ADK: variants seen among roughly 807,000 people sequenced by gnomAD.
ADK encodes N6,N6-dimethyladenosine kinase.
In ADK, 24 loss-of-function variants were observed where a neutral mutation model predicts 44.7. The observed-to-expected ratio is 0.54, with a 90% CI of 0.39 to 0.76. ADK has a LOEUF of 0.76. Ranked by LOEUF, ADK falls within the 30% of genes least tolerant of loss-of-function variation. The probability of loss-of-function intolerance (pLI) is 0.00; values close to 1 mark genes in which losing one functional copy is unlikely to be tolerated. For missense variants in ADK, 321 were observed against 425.1 expected, an observed-to-expected ratio of 0.76 and a Z score of 2.15; for synonymous variants, 128 against 142.6, an observed-to-expected ratio of 0.90 and a Z score of 0.73.
Position 74,408,641 on chromosome 10 carries a change from G to A in ADK, c.555+10062G>A, listed in dbSNP as rs557609927. On this transcript the variant is annotated intron_variant, in intron 6 of 10. Coordinates refer to ENST00000539909, the MANE Select transcript of ADK (RefSeq NM_006721.4). ...ACTTAACTACTAATAGTAGTTAATT[G>A]GAAGCCTTACTGATAACGTAAATAG... Among the ~76,000 whole-genome samples, 38 of 152,154 alleles carry A rather than the reference G, an allele frequency of 2.5e-4. No individual in the cohort carries two copies. In the South Asian group the frequency reaches 7.5e-3, roughly 30 times the overall value.
intron 3 of ADK, among the ~76,000 whole-genome samples, chr10:74,242,817 A>C (rs889782544): frequency 2.5e-4 from 38 of 152,150 alleles, no homozygotes; most frequent in African/African-American, 8.9e-4. Flanking sequence ...ATTCTGCCAG[A>C]CTTTCGGGAA....
intron 6 of ADK, among the ~76,000 whole-genome samples, chr10:74,451,673 A>G (rs542313559): frequency 2.0e-5 from 3 of 152,292 alleles, no homozygotes; most frequent in East Asian, 3.9e-4. Flanking sequence ...TAAAGTGACT[A>G]TTTGAGTATT....
intron 3 of ADK, among the ~76,000 whole-genome samples, chr10:74,290,477 G>A (rs1847372461): frequency 6.6e-6 from 1 of 151,918 alleles, no homozygotes; most frequent in East Asian, 1.9e-4. Flanking sequence ...ATTCTCATTT[G>A]TTTAATGACT....
chr10:74,676,511 C>A (rs1855398918), intron 10 of ADK, among the ~76,000 whole-genome samples: 1 of 152,182 alleles, frequency 6.6e-6, no homozygotes, highest in Non-Finnish European at 1.5e-5. Flanking sequence ...GGGTCTCACT[C>A]TGTCACCTAG....
intron 2 of ADK, among the ~76,000 whole-genome samples, chr10:74,201,249 C>A (rs1360299027): frequency 6.6e-6 from 1 of 152,166 alleles, no homozygotes; most frequent in East Asian, 1.9e-4. Context: ...TTAGAGAAGA[C>A]AAGAGAACGT....
intron 6 of ADK, among the ~76,000 whole-genome samples, chr10:74,403,520 G>T (rs897164715): frequency 7.2e-5 from 11 of 152,136 alleles, no homozygotes; most frequent in Admixed American, 2.6e-4. Flanking sequence ...AGTGAGCAAG[G>T]TTCCATGGGC....
chr10:74,633,477 A>C (rs1327831963), intron 9 of ADK, among the ~76,000 whole-genome samples: 1 of 152,200 alleles, frequency 6.6e-6, no homozygotes, highest in African/African-American at 2.4e-5. Flanking sequence ...GAGTAAACTG[A>C]ATATATTATA....
intron 7 of ADK, among the ~76,000 whole-genome samples, chr10:74,573,888 G>A (rs1024774469): frequency 1.4e-4 from 22 of 152,158 alleles, no homozygotes; most frequent in Non-Finnish European, 2.6e-4. Context: ...GGAATGACCC[G>A]ATCTTCCAGG....
intron 2 of ADK, among the ~76,000 whole-genome samples, chr10:74,218,413 G>A (rs867359251): frequency 3.3e-4 from 50 of 152,268 alleles, no homozygotes; most frequent in Middle Eastern, 3.4e-3. Context: ...TGAAAGTGAC[G>A]GGGAGAATGG....
chr10:74,372,362 A>G, intron 4 of ADK: 1 of 742,406 alleles, frequency 1.3e-6, no homozygotes, highest in South Asian at 1.4e-5. Flanking sequence ...GCTGGTCCAC[A>G]GCTCCCAATG....
At chr10:74,374,630 C>T (rs1193914069) in intron 4 of ADK, among the ~76,000 whole-genome samples, 2 of 152,042 alleles carry the variant, frequency 1.3e-5, no homozygotes, top group Non-Finnish European at 2.9e-5. Context: ...GATCAGGTAA[C>T]TCTCTGATCC....
At chr10:74,253,401 A>G (rs1845719436) in intron 3 of ADK, among the ~76,000 whole-genome samples, 1 of 152,154 alleles carries the variant, frequency 6.6e-6, no homozygotes, top group South Asian at 2.1e-4. Context: ...GGGTGTTCTC[A>G]TAGCAGTGTT....
At chr10:74,444,124 T>C (rs1845516222) in intron 6 of ADK, among the ~76,000 whole-genome samples, 1 of 152,136 alleles carries the variant, frequency 6.6e-6, no homozygotes, top group Non-Finnish European at 1.5e-5. Context: ...TGGTGCTTCA[T>C]CAGTCAGACC....
intron 4 of ADK, chr10:74,344,472 GC>G (rs1182296442): frequency 5.1e-6 from 1 of 195,678 alleles, no homozygotes; most frequent in Non-Finnish European, 1.1e-5. Context: ...GGTGGCACCT[GC>G]TTTCAGGGGA....
chr10:74,309,469 A>G (rs1286181641), intron 3 of ADK, among the ~76,000 whole-genome samples: 1 of 152,220 alleles, frequency 6.6e-6, no homozygotes, highest in African/African-American at 2.4e-5. Flanking sequence ...TATCTTCCTC[A>G]AAACAACAGA....
chr10:74,458,303 T>TTG (rs1554861840), intron 6 of ADK, among the ~76,000 whole-genome samples: 2 of 146,868 alleles, frequency 1.4e-5, no homozygotes, highest in African/African-American at 5.0e-5. Context: ...GGTTTTGTTT[T>TTG]TTTTTTTTTT....
At chr10:74,176,595 CT>C in intron 1 of ADK, 1 of 1,380,430 alleles carries the variant, frequency 7.2e-7, no homozygotes, top group Admixed American at 3.1e-5. Flanking sequence ...AGTCATCTCG[CT>C]AGCCCGCGCG....
intron 7 of ADK, among the ~76,000 whole-genome samples, chr10:74,557,127 T>G (rs776023316): frequency 1.3e-5 from 2 of 152,178 alleles, no homozygotes; most frequent in African/African-American, 4.8e-5. Context: ...TTGAAACTAC[T>G]AGGAACAACT....
intron 6 of ADK, among the ~76,000 whole-genome samples, chr10:74,490,398 A>G (rs1409049762): frequency 6.6e-6 from 1 of 152,104 alleles, no homozygotes; most frequent in Non-Finnish European, 1.5e-5. Flanking sequence ...TTTACCAACA[A>G]CCAAAAATGT....
Sources: gnomAD v4.1 joint callset for allele counts (sites outside exome capture counted in the v4.1 genomes callset) on GRCh38, gnomAD v4.1.1 for gene constraint, MANE v1.5 for transcripts, NCBI Gene and HGNC (gene_info 2026-07-23, HGNC 2026-07-21) for gene names.